Variants in INTU observed in about 807,000 individuals in gnomAD.
INTU encodes the protein protein inturned.
INTU carries 68 observed loss-of-function variants against 100.5 expected under a neutral mutation model. That is an observed-to-expected ratio of 0.68 (90% CI 0.56 to 0.83). The LOEUF is 0.83. INTU is among the 40% of genes least tolerant of loss of function. INTU has a pLI of 0.00. For missense variants in INTU, 1,071 were observed against 1,114.7 expected (o/e 0.96, Z 0.56); for synonymous variants, 357 against 395.7 (o/e 0.90, Z 1.16).
intron 1 of INTU, among the ~76,000 whole-genome samples, chr4:127,638,011 T>G (rs1200336934): frequency 6.6e-6 from 1 of 152,222 alleles, no homozygotes; most frequent in Non-Finnish European, 1.5e-5. Context: ...TCCCTACCCC[T>G]AAGCTGCTAT....
chr4:127,706,368 C>T lies in INTU; in HGVS notation c.1789-119C>T, dbSNP rs1035203395. On this transcript the variant is annotated intron_variant, in intron 11 of 15. Coordinates refer to ENST00000335251, the MANE Select transcript of INTU (RefSeq NM_015693.4). Reference sequence around the variant, plus strand: ...AGATGACGGAGGAATTTTTAATAATCATCACATGATTATGCCATAGGCCTC... The same window carrying T: ...AGATGACGGAGGAATTTTTAATAATTATCACATGATTATGCCATAGGCCTC... The T allele has an allele frequency of 2.6e-5, 21 of 802,478 alleles. No individual in the cohort carries two copies. The African/African-American group carries it at 3.0e-4, about 11-fold the overall frequency. 49.7% of individuals were successfully genotyped at this position (802,478 alleles called of 1,614,324 possible). A position where few individuals can be genotyped will look rare whatever the true frequency, so the allele number is the denominator to read the frequency against.
chr4:127,639,111 A>G (rs1727197726), intron 1 of INTU, among the ~76,000 whole-genome samples: 1 of 152,178 alleles, frequency 6.6e-6, no homozygotes, highest in African/African-American at 2.4e-5. Flanking sequence ...ATTTGTCAAA[A>G]CAAGACATGA....
intron 15 of INTU, among the ~76,000 whole-genome samples, chr4:127,715,078 A>C (rs536665723): frequency 6.6e-6 from 1 of 152,292 alleles, no homozygotes; most frequent in East Asian, 1.9e-4. Flanking sequence ...ATGTAAAATG[A>C]ATCTGATGAT....
intron 2 of INTU, 22 bp from the exon 3 acceptor site, chr4:127,656,614 T>G: frequency 6.4e-7 from 1 of 1,559,960 alleles, no homozygotes; most frequent in Non-Finnish European, 8.8e-7. Flanking sequence ...AAAACTATCT[T>G]TTATTGTTAT....
intron 8 of INTU, among the ~76,000 whole-genome samples, chr4:127,696,685 C>A (rs936714276): frequency 1.3e-5 from 2 of 151,574 alleles, no homozygotes; most frequent in African/African-American, 4.8e-5. Context: ...TCGTTGATTT[C>A]TCCTCTAATT....
At chr4:127,691,742 AC>A (rs1474043950) in intron 8 of INTU, among the ~76,000 whole-genome samples, 1 of 151,080 alleles carries the variant, frequency 6.6e-6, no homozygotes, top group African/African-American at 2.4e-5. Flanking sequence ...ATCTCTTGCC[AC>A]CCCCTGCTCT....
chr4:127,713,044 G>T (rs1159483970), intron 14 of INTU, among the ~76,000 whole-genome samples: 1 of 152,186 alleles, frequency 6.6e-6, no homozygotes. Flanking sequence ...AGCAGGGCCA[G>T]CTTATGCATG....
intron 3 of INTU, among the ~76,000 whole-genome samples, chr4:127,662,778 A>G (rs149868701): frequency 1.3e-5 from 2 of 151,676 alleles, no homozygotes; most frequent in African/African-American, 4.8e-5. Context: ...TGAAATTAAA[A>G]CTCTCTTGAT....
In INTU at chr4:127,669,053, T is replaced by A; in HGVS notation, c.990T>A (p.His330Gln). 6.8e-7 allele frequency: 1 copy of A among 1,481,058 alleles called. No individual in the cohort carries two copies. Among genetic ancestry groups the A allele is most frequent in the Non-Finnish European group, 9.2e-7 (1 of 1,087,038 alleles). 91.7% of individuals were successfully genotyped at this position (1,481,058 alleles called of 1,614,324 possible). A position where few individuals can be genotyped will look rare whatever the true frequency, so the allele number is the denominator to read the frequency against. ...TSKEEQEILY[H>Q]YPMSEASQKL... is the part of the protein sequence containing the mutation. ...TTTAACAGCAGGAAATTCTTTATCA[T>A]TATCCAATGTCTGAAGCATCTCAGA... The change falls in exon 5 of 16, where the codon CAT becomes CAA. Residue 330 changes from histidine (H) to glutamine (Q), a missense_variant. Coordinates refer to ENST00000335251, the MANE Select transcript of INTU (RefSeq NM_015693.4).
Position 127,705,758 on chromosome 4 carries a change from C to A in INTU, c.1734C>A (p.Ser578Arg). The change falls in exon 11 of 16, where the codon AGC becomes AGA. Residue 578 changes from serine to arginine, a missense_variant. Ser to Arg is a moderately radical substitution (Grantham distance 110, BLOSUM62 -1). Transcript: ENST00000335251. ...QHHLRPLADS[S>R]TEVFPEPEGR... The stretch of plus-strand genomic sequence containing the variant: ...ACCTCCGACCTTTGGCAGACTCAAG[C>A]ACTGAAGTCTTTCCGGAACCTGAAG... The A allele has an allele frequency of 1.2e-6, 2 of 1,614,084 alleles. No individual in the cohort carries two copies. Among genetic ancestry groups the A allele is most frequent in the Non-Finnish European group, 1.7e-6 (2 of 1,179,954 alleles).
chr4:127,663,262 G>T (rs1728549822), intron 3 of INTU, 119 bp from the exon 4 acceptor site: 1 of 686,748 alleles, frequency 1.5e-6, no homozygotes. Context: ...ACTCACTCTA[G>T]GATGATTTAT....
intron 15 of INTU, 66 bp downstream of exon 15, chr4:127,714,159 G>T: frequency 2.3e-6 from 3 of 1,313,052 alleles, no homozygotes; most frequent in East Asian, 2.4e-5. Flanking sequence ...TGGTAAAGGA[G>T]ATTAACATTT....
chr4:127,702,196 A>G (rs534569905), intron 9 of INTU, among the ~76,000 whole-genome samples: 14 of 152,260 alleles, frequency 9.2e-5, no homozygotes, highest in African/African-American at 2.9e-4. Context: ...ATACAGTAAA[A>G]AAAAAAGAAA....
chr4:127,634,798 G>C (rs1726996929), intron 1 of INTU, among the ~76,000 whole-genome samples: 1 of 152,070 alleles, frequency 6.6e-6, no homozygotes, highest in African/African-American at 2.4e-5. Context: ...TGATTTGTAG[G>C]ACATGAGGGT....
In INTU at chr4:127,663,586, T is replaced by G. The variant is rs760980224; in HGVS notation, c.972+2T>G. The G allele has an allele frequency of 6.2e-7, 1 of 1,611,738 alleles. No individual in the cohort carries two copies. The highest frequency in any genetic ancestry group is 8.5e-7 in the Non-Finnish European group (1 of 1,178,586). ...GACTCAGAAACCTCAAAGGAAGAGGTGAGTGTCCTCAAAAGTCCAAAGGAA... is the reference window on the plus strand; with the variant it reads ...GACTCAGAAACCTCAAAGGAAGAGGGGAGTGTCCTCAAAAGTCCAAAGGAA... On this transcript the variant is annotated splice_donor_variant, in intron 4 of 15. Transcript: ENST00000335251. LOFTEE classifies it high-confidence loss of function.
chr4:127,654,966 A>T (rs921439442), intron 2 of INTU, among the ~76,000 whole-genome samples: 2 of 149,036 alleles, frequency 1.3e-5, no homozygotes, highest in African/African-American at 5.0e-5. Context: ...GCTTCATTTC[A>T]TTCATTTCAT....
chr4:127,698,228 C>A (rs1293194973), intron 8 of INTU, among the ~76,000 whole-genome samples: 1 of 151,932 alleles, frequency 6.6e-6, no homozygotes, highest in East Asian at 1.9e-4. Flanking sequence ...TTTGGGAGGC[C>A]GAGGTGGGAG....
chr4:127,686,298 T>A (rs532818222), intron 7 of INTU: 1 of 152,364 alleles, frequency 6.6e-6, no homozygotes, highest in African/African-American at 2.4e-5. Context: ...CTTCAAAATC[T>A]CCAATCTGTC....
chr4:127,668,531 G>A (rs554735766), intron 4 of INTU, among the ~76,000 whole-genome samples: 3 of 151,510 alleles, frequency 2.0e-5, no homozygotes, highest in East Asian at 3.9e-4. Flanking sequence ...AAGTTTAATT[G>A]CTGTCTTGGC....
Sources: gnomAD v4.1 joint callset for allele counts (sites outside exome capture counted in the v4.1 genomes callset) on GRCh38, gnomAD v4.1.1 for gene constraint, MANE v1.5 for transcripts, NCBI Gene and HGNC (gene_info 2026-07-23, HGNC 2026-07-21) for gene names.